ERG: variants seen among roughly 807,000 people sequenced by gnomAD.
The protein encoded by ERG is ETS transcription factor ERG.
Under a neutral mutation model 55.3 loss-of-function variants are expected in ERG, and 9 were observed. The observed-to-expected ratio is 0.16, with a 90% CI of 0.10 to 0.28. The LOEUF (loss-of-function observed/expected upper bound fraction) is 0.28. ERG is among the 10% of genes least tolerant of loss of function. The pLI is 1.00. For missense variants in ERG, 434 were observed against 631.6 expected (o/e 0.69, Z 3.35); for synonymous variants, 223 against 237.3 (o/e 0.94, Z 0.55).
rs117952189 is a variant in ERG at position 38,522,554 on chromosome 21, G to T, written c.-41+53108C>A. Among the ~76,000 whole-genome samples the T allele has an allele frequency of 7.7e-3, 1,175 of 152,238 alleles. 3 individuals are homozygous for T. Among genetic ancestry groups the T allele is most frequent in the Middle Eastern group, 0.017 (5 of 292 alleles). On this transcript the variant is annotated intron_variant, in intron 2 of 8. Coordinates refer to the ERG transcript ENST00000398897. ...TCATAAAATGGATATTGCCATAACT[G>T]CTTTCCTAGCAAGGTTAAAACACTT...
chr21:38,481,350 C>G (rs1429471141), intron 1 of ERG, among the ~76,000 whole-genome samples: 1 of 152,148 alleles, frequency 6.6e-6, no homozygotes, highest in Non-Finnish European at 1.5e-5. Context: ...CATGCGGACG[C>G]TGTGGAAACA....
chr21:38,630,971 G>A (rs2060352869), intron 1 of ERG, among the ~76,000 whole-genome samples: 1 of 152,114 alleles, frequency 6.6e-6, no homozygotes, highest in African/African-American at 2.4e-5. Flanking sequence ...TGAAGATAAA[G>A]GGTCACTTTC....
intron 1 of ERG, among the ~76,000 whole-genome samples, chr21:38,463,340 T>A (rs549025491): frequency 2.0e-5 from 3 of 152,148 alleles, no homozygotes; most frequent in Non-Finnish European, 4.4e-5. Context: ...TCATTCTGCA[T>A]GTGGTTGACT....
intron 1 of ERG, among the ~76,000 whole-genome samples, chr21:38,661,424 C>A (rs949073186): frequency 6.6e-6 from 1 of 152,164 alleles, no homozygotes; most frequent in African/African-American, 2.4e-5. Context: ...GGACCTCGGT[C>A]GTGGGGAGGA....
At chr21:38,452,222 C>A (rs1308606279) in intron 1 of ERG, among the ~76,000 whole-genome samples, 1 of 152,222 alleles carries the variant, frequency 6.6e-6, no homozygotes, top group East Asian at 1.9e-4. Context: ...AGACCCAGAA[C>A]TAGTGTCCAG....
chr21:38,463,164 T>C (rs2836419), intron 1 of ERG, among the ~76,000 whole-genome samples: 1 of 152,084 alleles, frequency 6.6e-6, no homozygotes, highest in Non-Finnish European at 1.5e-5. Context: ...TAAATGTGTA[T>C]CCCATACTTG....
intron 1 of ERG, among the ~76,000 whole-genome samples, chr21:38,449,454 C>G (rs1440142342): frequency 6.6e-6 from 1 of 152,136 alleles, no homozygotes; most frequent in African/African-American, 2.4e-5. Flanking sequence ...ACATGAGGAC[C>G]ATTCCTTTGG....
intron 2 of ERG, among the ~76,000 whole-genome samples, chr21:38,445,105 C>T (rs113980850): frequency 3.9e-5 from 6 of 151,918 alleles, no homozygotes; most frequent in Non-Finnish European, 7.4e-5. Context: ...CCAACGTCAC[C>T]GTTCAATGGC....
intron 1 of ERG, among the ~76,000 whole-genome samples, chr21:38,592,274 C>T (rs929883675): frequency 2.0e-5 from 3 of 152,154 alleles, no homozygotes; most frequent in Admixed American, 6.5e-5. Context: ...CCGGCTCTAG[C>T]GAGTTGGGAG....
intron 2 of ERG, among the ~76,000 whole-genome samples, chr21:38,531,720 T>C (rs532566914): frequency 2.0e-5 from 3 of 152,328 alleles, no homozygotes. Flanking sequence ...TAAAAAATCA[T>C]GGCACAGGGA....
At chr21:38,579,640 C>T (rs149734786) in intron 1 of ERG, among the ~76,000 whole-genome samples, 30 of 152,262 alleles carry the variant, frequency 2.0e-4, no homozygotes, top group Middle Eastern at 3.4e-3. Flanking sequence ...AGACCAAGGG[C>T]GTATGAGCTT....
chr21:38,510,673 G>A (rs375889603), intron 2 of ERG, among the ~76,000 whole-genome samples: 1 of 152,248 alleles, frequency 6.6e-6, no homozygotes, highest in East Asian at 1.9e-4. Context: ...CGGCTACCTC[G>A]TAGTGACCCA....
intron 2 of ERG, among the ~76,000 whole-genome samples, chr21:38,567,805 C>A (rs1225413777): frequency 1.3e-5 from 2 of 152,310 alleles, no homozygotes; most frequent in East Asian, 1.9e-4. Context: ...CCCTTCCTCG[C>A]AAGGCAGATT....
chr21:38,577,153 T>A (rs1325880442), intron 1 of ERG, among the ~76,000 whole-genome samples: 1 of 152,176 alleles, frequency 6.6e-6, no homozygotes, highest in Non-Finnish European at 1.5e-5. Flanking sequence ...TCTTTCAAAT[T>A]TGCTACTGAG....
intron 1 of ERG, among the ~76,000 whole-genome samples, chr21:38,461,960 A>G (rs905235047): frequency 2.6e-5 from 4 of 151,240 alleles, no homozygotes; most frequent in African/African-American, 7.3e-5. Flanking sequence ...GTGTCCCACC[A>G]TGCCTGGCTA....
At chr21:38,523,812 A>G (rs2059611932) in intron 2 of ERG, among the ~76,000 whole-genome samples, 1 of 152,210 alleles carries the variant, frequency 6.6e-6, no homozygotes, top group Non-Finnish European at 1.5e-5. Context: ...GTGATGGCCC[A>G]TCGGTACCCT....
At chr21:38,412,354 C>A (rs1197505815) in intron 3 of ERG, among the ~76,000 whole-genome samples, 2 of 152,086 alleles carry the variant, frequency 1.3e-5, no homozygotes, top group African/African-American at 4.8e-5. Flanking sequence ...TTCTAGTTCT[C>A]TTTCCTGTTA....
chr21:38,461,610 C>T (rs904074556), intron 1 of ERG, among the ~76,000 whole-genome samples: 6 of 152,194 alleles, frequency 3.9e-5, no homozygotes, highest in Admixed American at 3.9e-4. Context: ...TGTCCAGGAA[C>T]CCCCTGGGGT....
intron 2 of ERG, among the ~76,000 whole-genome samples, chr21:38,548,449 G>T: frequency 6.8e-6 from 1 of 147,494 alleles, no homozygotes; most frequent in Admixed American, 7.0e-5. Flanking sequence ...ATTATCATAT[G>T]ATTTTTTTTT....
Sources: allele counts gnomAD v4.1 joint callset (sites outside exome capture counted in the v4.1 genomes callset), GRCh38; gene constraint gnomAD v4.1.1; transcripts MANE v1.5; gene names NCBI Gene and HGNC (gene_info 2026-07-23, HGNC 2026-07-21).